The following DZIP3 variants were observed in gnomAD, a reference collection of about 807,000 sequenced individuals.
DZIP3 encodes E3 ubiquitin-protein ligase DZIP3.
In DZIP3, 118 loss-of-function variants were observed where a neutral mutation model predicts 162.0. That is an observed-to-expected ratio of 0.73 (90% confidence interval 0.63 to 0.85). The LOEUF (loss-of-function observed/expected upper bound fraction) is 0.85. Among genes scored for constraint, DZIP3 ranks in the 40% least tolerant of loss-of-function variants. The pLI is 0.00. For missense variants in DZIP3, 1,331 were observed against 1,407.0 expected (o/e 0.95, Z 0.86); for synonymous variants, 438 against 458.6 (o/e 0.96, Z 0.57).
chr3:108,615,751 C>CA (rs1398121834), intron 4 of DZIP3, among the ~76,000 whole-genome samples: 2 of 152,176 alleles, frequency 1.3e-5, no homozygotes, highest in African/African-American at 4.8e-5. Context: ...CATAATAAAG[C>CA]ATGCATTAGC....
chr3:108,675,147 T>C lies in DZIP3; in HGVS notation c.2694-639T>C, dbSNP rs186377130. ...GGATAGAACCTTTTAAAAGGCCATA[T>C]GAAATCTCTTTTCTAGAGATAATAG... On this transcript the variant is annotated intron_variant, in intron 24 of 32. Transcript: ENST00000361582. Among the ~76,000 whole-genome samples, 481 of 151,994 alleles carry C rather than the reference T, an allele frequency of 3.2e-3. 4 individuals are homozygous for C. Among genetic ancestry groups the C allele is most frequent in the Middle Eastern group, 0.01 (3 of 294 alleles).
intron 18 of DZIP3, 117 bp downstream of exon 18, chr3:108,651,279 G>T: frequency 3.3e-6 from 1 of 300,972 alleles, no homozygotes; most frequent in South Asian, 1.2e-4. Flanking sequence ...AAGAAGGATA[G>T]TTCCTTGTCT....
At chr3:108,617,089 T>C (rs1428105641) in intron 5 of DZIP3, among the ~76,000 whole-genome samples, 1 of 152,158 alleles carries the variant, frequency 6.6e-6, no homozygotes, top group African/African-American at 2.4e-5. Context: ...GAGAGTACGA[T>C]GGTGGCTAGG....
chr3:108,627,418 G>A (rs1281725729), intron 7 of DZIP3, among the ~76,000 whole-genome samples: 3 of 152,138 alleles, frequency 2.0e-5, no homozygotes, highest in East Asian at 1.9e-4. Context: ...AATGAATGGG[G>A]TATCCTCTGA....
At chr3:108,654,896 G>A (rs1303186512) in intron 19 of DZIP3, among the ~76,000 whole-genome samples, 1 of 152,152 alleles carries the variant, frequency 6.6e-6, no homozygotes, top group Non-Finnish European at 1.5e-5. Context: ...AGAATTCAGT[G>A]ATAACCTGCT....
chr3:108,688,905 C>T lies in DZIP3; in HGVS notation c.3497C>T (p.Ala1166Val), dbSNP rs1352288703. Residue 1166 changes from alanine (A) to valine (V), a missense_variant, in exon 31 of 33, where the codon GCT (alanine) becomes GTT (valine). Ala to Val is a moderately conservative substitution (Grantham distance 64). This residue lies in a region of DZIP3 where 53 missense variants were observed against 89.9 expected (regional missense o/e 0.59). Transcript: ENST00000361582. ...GAAAATCTTTCAGTTTTGCCTTGCG[C>T]TCACAAATTCCATGCTCAGGTAACA... ...SPENLSVLPCAHKFHAQCIRP... is the reference protein window; with the variant it reads ...SPENLSVLPCVHKFHAQCIRP... 1 of 1,614,140 alleles carries T rather than the reference C, an allele frequency of 6.2e-7. No individual in the cohort carries two copies. The highest frequency in any genetic ancestry group is 8.5e-7 in the Non-Finnish European group (1 of 1,180,014).
intron 1 of DZIP3, among the ~76,000 whole-genome samples, chr3:108,602,626 T>C (rs1314671963): frequency 6.6e-6 from 1 of 152,214 alleles, no homozygotes; most frequent in Non-Finnish European, 1.5e-5. Flanking sequence ...TAGATTTACC[T>C]TTCTTTTTTT....
chr3:108,616,975 A>G (rs1182901980), intron 5 of DZIP3, among the ~76,000 whole-genome samples: 1 of 152,196 alleles, frequency 6.6e-6, no homozygotes, highest in Non-Finnish European at 1.5e-5. Flanking sequence ...TCCCAATCAG[A>G]AATGGAGAAT....
intron 5 of DZIP3, among the ~76,000 whole-genome samples, chr3:108,622,643 G>A (rs1467121356): frequency 6.6e-6 from 1 of 152,118 alleles, no homozygotes; most frequent in Non-Finnish European, 1.5e-5. Context: ...AAAGGGACTT[G>A]CATATTGTGA....
At chr3:108,681,798 G>A (rs1944321173) in intron 26 of DZIP3, among the ~76,000 whole-genome samples, 1 of 145,248 alleles carries the variant, frequency 6.9e-6, no homozygotes, top group Admixed American at 6.7e-5. Context: ...GATGAAGTTA[G>A]AAGTCACCAC....
intron 31 of DZIP3, 46 bp downstream of exon 31, chr3:108,688,970 C>A: frequency 6.6e-7 from 1 of 1,520,838 alleles, no homozygotes; most frequent in Non-Finnish European, 9.1e-7. Context: ...GAGATTCATA[C>A]TGCCTTACTT....
intron 23 of DZIP3, among the ~76,000 whole-genome samples, chr3:108,673,443 T>C (rs982115188): frequency 6.6e-6 from 1 of 151,570 alleles, no homozygotes; most frequent in Non-Finnish European, 1.5e-5. Flanking sequence ...GTAAATTTCT[T>C]TGTGCTTCTA....
chr3:108,692,636 T>C (rs1434362741), intron 32 of DZIP3, among the ~76,000 whole-genome samples: 1 of 152,152 alleles, frequency 6.6e-6, no homozygotes, highest in East Asian at 1.9e-4. Flanking sequence ...CCAGTATTTC[T>C]CAAATGGTTT....
chr3:108,655,260 T>C (rs1402859956), intron 19 of DZIP3, among the ~76,000 whole-genome samples: 2 of 152,192 alleles, frequency 1.3e-5, no homozygotes, highest in Non-Finnish European at 1.5e-5. Context: ...GTTTCTACAA[T>C]CTATGGATAA....
chr3:108,616,725 C>G, intron 5 of DZIP3, 68 bp downstream of exon 5: 1 of 1,087,128 alleles, frequency 9.2e-7, no homozygotes, highest in Non-Finnish European at 1.4e-6. Context: ...AGAAAACAGC[C>G]AATGCATGCT....
chr3:108,634,953 A>G lies in DZIP3; in HGVS notation c.899A>G (p.Tyr300Cys), dbSNP rs559858099. ...TGGAAAAAGTTCAAGAATTTAAAGT[A>G]TCCAGGTGAAAATGATCAGGTATTA... is the stretch of plus-strand genomic sequence containing the variant. ...ICWKKFKNLK[Y>C]PGENDQSFSG... The change falls in exon 10 of 33, where the codon TAT becomes TGT. Residue 300 changes from tyrosine to cysteine, a missense_variant. Physicochemically the swap from Tyr to Cys is radical, Grantham distance 194. Around this residue, in one of 2 missense-constraint regions of DZIP3, gnomAD observed 1,278 missense variants for 1,317.1 expected, o/e 0.97. Transcript: ENST00000361582. The G allele has an allele frequency of 1.0e-4, 163 of 1,604,668 alleles. No homozygotes were observed. The highest frequency in any genetic ancestry group is 1.1e-4 in the Non-Finnish European group (129 of 1,172,802).
intron 21 of DZIP3, among the ~76,000 whole-genome samples, chr3:108,666,073 C>T (rs1943664093): frequency 6.6e-6 from 1 of 151,832 alleles, no homozygotes; most frequent in South Asian, 2.1e-4. Flanking sequence ...AAGAAGTTGT[C>T]CTAATTAATT....
intron 1 of DZIP3, among the ~76,000 whole-genome samples, chr3:108,592,811 T>C (rs994950898): frequency 2.0e-5 from 3 of 152,166 alleles, no homozygotes; most frequent in Non-Finnish European, 1.5e-5. Context: ...TTATTTATCA[T>C]TACGTTTATT....
intron 26 of DZIP3, among the ~76,000 whole-genome samples, chr3:108,682,736 T>C (rs1451511839): frequency 1.3e-5 from 2 of 150,724 alleles, no homozygotes; most frequent in Non-Finnish European, 2.9e-5. Flanking sequence ...ATTATATATC[T>C]CAAAATGGCT....
Sources: gnomAD v4.1 joint callset for allele counts (sites outside exome capture counted in the v4.1 genomes callset) on GRCh38, gnomAD v4.1.1 for gene constraint, gnomAD v4.1.1 regional missense constraint, MANE v1.5 for transcripts, NCBI Gene and HGNC (gene_info 2026-07-23, HGNC 2026-07-21) for gene names.